The following SMC6 variants were observed in gnomAD, a reference collection of about 807,000 sequenced individuals.
SMC6 encodes structural maintenance of chromosomes 6.
In SMC6, 79 loss-of-function variants were observed where a neutral mutation model predicts 142.2. That is an observed-to-expected ratio of 0.56 (90% CI 0.46 to 0.67). SMC6 has a LOEUF of 0.67. Ranked by LOEUF, SMC6 falls within the 30% of genes least tolerant of loss-of-function variation. SMC6 has a pLI of 0.00. For missense variants in SMC6, 1,072 were observed against 1,284.0 expected (o/e 0.83, Z 2.52); for synonymous variants, 411 against 412.4 (o/e 1.00, Z 0.04).
At chr2:17,736,210 G>A (rs1008830614) in intron 5 of SMC6, among the ~76,000 whole-genome samples, 3 of 152,174 alleles carry the variant, frequency 2.0e-5, no homozygotes, top group African/African-American at 7.2e-5. Context: ...ACAGAAGACT[G>A]AGCTAAGGTT....
chr2:17,740,307 A>C (rs1670377468), intron 4 of SMC6, among the ~76,000 whole-genome samples: 1 of 152,162 alleles, frequency 6.6e-6, no homozygotes, highest in Non-Finnish European at 1.5e-5. Context: ...AGTAAGAAAA[A>C]CAACAAAAGG....
In SMC6 at chr2:17,695,292, T is replaced by G; in HGVS notation, c.2538A>C (p.Lys846Asn). Residue 846 changes from lysine (K) to asparagine (N), a missense_variant, in exon 23 of 28, where the codon AAA becomes AAC. Transcript: ENST00000448223. ...GGCAGATTTGTCTTGCTTGTGACAT[T>G]TTCTCCTAAGAAAGTAGATGTTTAT... is the stretch of plus-strand genomic sequence containing the variant. Reference protein sequence around the residue: ...LDMKEKELEEKMSQARQICPE... With the variant: ...LDMKEKELEENMSQARQICPE... The G allele has an allele frequency of 6.2e-7, 1 of 1,612,034 alleles. No individual in the cohort carries two copies. Among genetic ancestry groups the G allele is most frequent in the Non-Finnish European group, 8.5e-7 (1 of 1,179,608 alleles).
intron 25 of SMC6, among the ~76,000 whole-genome samples, chr2:17,674,407 TTC>T (rs1174245470): frequency 6.6e-6 from 1 of 152,218 alleles, no homozygotes; most frequent in Non-Finnish European, 1.5e-5. Context: ...TTACAATATA[TTC>T]TGTATGACAT....
At chr2:17,722,853 C>G (rs1261822438) in intron 9 of SMC6, among the ~76,000 whole-genome samples, 1 of 152,134 alleles carries the variant, frequency 6.6e-6, no homozygotes, top group East Asian at 1.9e-4. Flanking sequence ...TAATAGCACA[C>G]TGACAACTCC....
intron 26 of SMC6, among the ~76,000 whole-genome samples, chr2:17,669,324 T>C (rs1666648231): frequency 1.3e-5 from 2 of 152,188 alleles, no homozygotes; most frequent in South Asian, 4.1e-4. Flanking sequence ...TAGTAGGGCA[T>C]CTGGGTCTAG....
chr2:17,681,302 T>C (rs1034232496), intron 24 of SMC6: 1 of 152,266 alleles, frequency 6.6e-6, no homozygotes, highest in African/African-American at 2.4e-5. Flanking sequence ...TGGAACTTTC[T>C]TCATATCAAC....
intron 18 of SMC6, 138 bp downstream of exon 18, chr2:17,707,081 A>C (rs1199416319): frequency 1.8e-6 from 1 of 542,912 alleles, no homozygotes; most frequent in Non-Finnish European, 3.0e-6. Flanking sequence ...TGACTAGCTA[A>C]GTGATGTTTT....
intron 16 of SMC6, among the ~76,000 whole-genome samples, chr2:17,709,899 T>C (rs147913345): frequency 2.4e-3 from 371 of 152,228 alleles, no homozygotes; most frequent in African/African-American, 7.5e-3. Context: ...AAAAGGTGTG[T>C]CAGAGAAGCA....
chr2:17,683,833 C>A, intron 23 of SMC6, 70 bp from the exon 24 acceptor site: 1 of 1,405,924 alleles, frequency 7.1e-7, no homozygotes, highest in Non-Finnish European at 1.0e-6. Context: ...GAATCTCAAA[C>A]AGATTTAACT....
chr2:17,700,227 T>A lies in SMC6; in HGVS notation c.2375A>T (p.Glu792Val). The A allele has an allele frequency of 6.2e-7, 1 of 1,606,034 alleles. No individual in the cohort carries two copies. The highest frequency in any genetic ancestry group is 8.5e-7 in the Non-Finnish European group (1 of 1,176,386). ...AIKFKINQLS[E>V]LADPLKDELN... ...ATATACCTTAAGTGGGTCTGCTAGC[T>A]CCGATAGTTGATTAATTTTGAATTT... is the stretch of plus-strand genomic sequence containing the variant. The change falls in exon 21 of 28, where the codon GAG (glutamate) becomes GTG (valine). Residue 792 changes from glutamate (E) to valine (V), a missense_variant. Glu to Val is a moderately radical substitution (Grantham distance 121). Coordinates refer to ENST00000448223, the MANE Select transcript of SMC6 (RefSeq NM_001142286.2).
chr2:17,711,676 TG>T (rs977311613), intron 16 of SMC6, among the ~76,000 whole-genome samples: 1 of 152,206 alleles, frequency 6.6e-6, no homozygotes, highest in Non-Finnish European at 1.5e-5. Context: ...TGGAGTGCAG[TG>T]GCACGATCAC....
chr2:17,732,614 G>A (rs1248259318), intron 5 of SMC6, among the ~76,000 whole-genome samples: 1 of 151,750 alleles, frequency 6.6e-6, no homozygotes. Flanking sequence ...CAGGAGAATC[G>A]CTTGAACCCA....
In SMC6 at chr2:17,715,152, G is replaced by T. The variant is rs941829410; in HGVS notation, c.1526-87C>A. The T allele has an allele frequency of 2.7e-5, 34 of 1,242,964 alleles. No individual in the cohort carries two copies. The Admixed American group carries it at 4.5e-4, about 17-fold the overall frequency. 77.0% of individuals were successfully genotyped at this position (1,242,964 alleles called of 1,614,324 possible). A position where few individuals can be genotyped will look rare whatever the true frequency, so the allele number is the denominator to read the frequency against. On this transcript the variant is annotated intron_variant, in intron 15 of 27. Coordinates refer to ENST00000448223, the MANE Select transcript of SMC6 (RefSeq NM_001142286.2). ...TCCTCTTTAATTATAGCATATAAAT[G>T]ACTTATATTTTTATATAAAGCAGTT...
rs200261361 is a variant in SMC6 at position 17,729,118 on chromosome 2, CAT to C, written c.543+1958_543+1959del. Among the ~76,000 whole-genome samples, 71 of 152,258 alleles carry C rather than the reference CAT, an allele frequency of 4.7e-4. No individual in the cohort carries two copies. In the East Asian group the frequency reaches 0.012, roughly 26 times the overall value. ...TAGAGAAATAGGTGAAATTTAATAA[CAT>C]ATTTTTAATCAAATATAACCAAAAT... is the stretch of plus-strand genomic sequence containing the variant. On this transcript the variant is annotated intron_variant, in intron 7 of 27. Transcript: ENST00000448223.
At chr2:17,734,990 G>A (rs1046249037) in intron 5 of SMC6, among the ~76,000 whole-genome samples, 3 of 152,100 alleles carry the variant, frequency 2.0e-5, no homozygotes, top group Non-Finnish European at 2.9e-5. Flanking sequence ...ACTCGGGCTC[G>A]AAAGTGCCAG....
intron 26 of SMC6, among the ~76,000 whole-genome samples, chr2:17,670,085 T>C (rs559473274): frequency 6.6e-6 from 1 of 152,326 alleles, no homozygotes. Flanking sequence ...AGGTTATAAT[T>C]TTGTATTAAA....
At chr2:17,725,663 C>A (rs1387374064) in intron 8 of SMC6, among the ~76,000 whole-genome samples, 2 of 152,148 alleles carry the variant, frequency 1.3e-5, no homozygotes, top group Admixed American at 6.5e-5. Context: ...GCAAAAACAG[C>A]TGAAAAGACT....
In SMC6 at chr2:17,718,151, T is replaced by G; in HGVS notation, c.1018A>C (p.Asn340His). The G allele has an allele frequency of 6.2e-7, 1 of 1,611,962 alleles. No homozygotes were observed. Among genetic ancestry groups the G allele is most frequent in the Non-Finnish European group, 8.5e-7 (1 of 1,178,692 alleles). ...GCCATACATTCTGGTGCTCGTGCATTTGTCTCTTCACTAATCTTTTCTAGT... is the reference window on the plus strand; with the variant it reads ...GCCATACATTCTGGTGCTCGTGCATGTGTCTCTTCACTAATCTTTTCTAGT... Reference protein sequence around the residue: ...DKLEKISEETNARAPECMALK... With the variant: ...DKLEKISEETHARAPECMALK... Residue 340 changes from asparagine (N) to histidine (H), a missense_variant, in exon 12 of 28, where the codon AAT becomes CAT. By Grantham distance (68) the Asn-to-His change is moderately conservative (BLOSUM62 1). Transcript: ENST00000448223.
chr2:17,707,244 T>C lies in SMC6; in HGVS notation c.1981A>G (p.Ser661Gly). 6.3e-7 allele frequency: 1 copy of C among 1,599,132 alleles called. No homozygotes were observed. The highest frequency in any genetic ancestry group is 8.5e-7 in the Non-Finnish European group (1 of 1,173,876). Reference protein sequence around the residue: ...SSENTRPKFLSRDVDSEISDL... With the variant: ...SSENTRPKFLGRDVDSEISDL... ...CTTATTTCAGAATCCACATCTCTGCTTAGGAACTTAGGTCTTGTATTTTCA... is the reference window on the plus strand; with the variant it reads ...CTTATTTCAGAATCCACATCTCTGCCTAGGAACTTAGGTCTTGTATTTTCA... Residue 661 changes from serine to glycine, a missense_variant, in exon 18 of 28, where the codon AGC becomes GGC. Transcript: ENST00000448223.
Sources: gnomAD v4.1 joint callset for allele counts (sites outside exome capture counted in the v4.1 genomes callset) on GRCh38, gnomAD v4.1.1 for gene constraint, MANE v1.5 for transcripts, NCBI Gene and HGNC (gene_info 2026-07-23, HGNC 2026-07-21) for gene names.